The following KCND3 variants were observed in gnomAD, a reference collection of about 807,000 sequenced individuals.
KCND3 encodes the protein potassium voltage-gated channel subfamily D member 3.
In KCND3, 9 loss-of-function variants were observed where a neutral mutation model predicts 51.1. The ratio of observed to expected loss-of-function variants is 0.18; its 90% CI spans 0.11 to 0.31. The LOEUF is 0.31. KCND3 is among the 10% of genes least tolerant of loss of function. The pLI is 1.00. For synonymous variants in KCND3, 349 were observed against 368.0 expected, an observed-to-expected ratio of 0.95 and a Z score of 0.59; for missense variants, 526 against 903.8, an observed-to-expected ratio of 0.58 and a Z score of 5.36.
rs1245940407 is a variant in KCND3 at position 111,981,995 on chromosome 1, C to T, written c.732G>A (p.Arg244=). ...VMIFTVEYLL[R]LFAAPSRYRF... is the part of the protein sequence containing the mutation. ...GGTAGCGGCTGGGAGCCGCGAAGAGCCGCAGGAGGTACTCCACGGTGAAGA... is the reference window on the plus strand; with the variant it reads ...GGTAGCGGCTGGGAGCCGCGAAGAGTCGCAGGAGGTACTCCACGGTGAAGA... The change falls in exon 2 of 8, where the codon CGG becomes CGA. Residue 244 remains arginine, a synonymous_variant. Transcript: ENST00000302127. The surrounding 1 kb of genome is among the most constrained non-coding windows in gnomAD (Gnocchi z 6.2). 1 of 1,613,920 alleles carries T rather than the reference C, an allele frequency of 6.2e-7. No homozygotes were observed. Among genetic ancestry groups the T allele is most frequent in the Admixed American group, 1.7e-5 (1 of 60,012 alleles).
chr1:111,801,829 C>T (rs551136701), intron 2 of KCND3, among the ~76,000 whole-genome samples: 1 of 152,332 alleles, frequency 6.6e-6, no homozygotes, highest in East Asian at 1.9e-4. Flanking sequence ...AGTTATCCCT[C>T]TTCCATTAAG....
chr1:111,885,872 CAT>C (rs762349726), intron 2 of KCND3, among the ~76,000 whole-genome samples: 1 of 152,014 alleles, frequency 6.6e-6, no homozygotes. Context: ...GGGGTTTCAC[CAT>C]GTTGGCCAGG....
intron 2 of KCND3, among the ~76,000 whole-genome samples, chr1:111,932,894 C>A (rs1672047999): frequency 6.6e-6 from 1 of 152,132 alleles, no homozygotes; most frequent in Non-Finnish European, 1.5e-5. Context: ...GGGTTCCAGT[C>A]CAGACCCAGC....
At chr1:111,830,882 T>C (rs1160211732) in intron 2 of KCND3, among the ~76,000 whole-genome samples, 1 of 152,256 alleles carries the variant, frequency 6.6e-6, no homozygotes, top group Non-Finnish European at 1.5e-5. Flanking sequence ...TAACCCTACA[T>C]ATTCCACAGA....
intron 2 of KCND3, among the ~76,000 whole-genome samples, chr1:111,948,467 G>T (rs745340997): frequency 1.3e-5 from 2 of 152,192 alleles, no homozygotes; most frequent in Non-Finnish European, 2.9e-5. Flanking sequence ...CTTAAGGATA[G>T]AATTTATCTC....
At chr1:111,808,422 T>C (rs1665680684) in intron 2 of KCND3, among the ~76,000 whole-genome samples, 1 of 152,208 alleles carries the variant, frequency 6.6e-6, no homozygotes, top group Non-Finnish European at 1.5e-5. Flanking sequence ...GGTCAAAGGT[T>C]TCCTGGTCCA....
intron 2 of KCND3, among the ~76,000 whole-genome samples, chr1:111,858,588 T>C (rs1668196216): frequency 6.6e-6 from 1 of 152,212 alleles, no homozygotes; most frequent in Admixed American, 6.5e-5. Flanking sequence ...AGTTAAAACA[T>C]TGTCATGGGC....
chr1:111,817,126 T>C (rs72981946), intron 2 of KCND3, among the ~76,000 whole-genome samples: 13,734 of 152,170 alleles, frequency 0.09, 841 homozygotes, highest in East Asian at 0.29. Flanking sequence ...CTCGATGTTT[T>C]TTCCCTTAAC....
intron 2 of KCND3, among the ~76,000 whole-genome samples, chr1:111,857,331 A>T (rs1668122059): frequency 6.6e-6 from 1 of 152,126 alleles, no homozygotes; most frequent in Admixed American, 6.6e-5. Flanking sequence ...TGTCTGCACC[A>T]TTCTGCTTCT....
At chr1:111,919,174 G>T (rs1407326295) in intron 2 of KCND3, among the ~76,000 whole-genome samples, 2 of 150,668 alleles carry the variant, frequency 1.3e-5, no homozygotes, top group Non-Finnish European at 2.9e-5. Flanking sequence ...AAACAAGGGA[G>T]AATCCTTGCC....
intron 2 of KCND3, among the ~76,000 whole-genome samples, chr1:111,926,897 G>T (rs1328754756): frequency 1.3e-5 from 2 of 152,212 alleles, no homozygotes; most frequent in African/African-American, 2.4e-5. Flanking sequence ...AAGATGCCTG[G>T]TCTCTTCCCC....
chr1:111,849,934 C>A (rs539326479), intron 2 of KCND3, among the ~76,000 whole-genome samples: 1 of 152,062 alleles, frequency 6.6e-6, no homozygotes. Flanking sequence ...GAGACCCAGC[C>A]TCCTCCCCGT....
chr1:111,958,787 C>A (rs1488389753), intron 2 of KCND3, among the ~76,000 whole-genome samples: 1 of 152,192 alleles, frequency 6.6e-6, no homozygotes, highest in Non-Finnish European at 1.5e-5. Context: ...CCAGCATCCA[C>A]CTGCAGGGTT....
At chr1:111,831,665 C>T (rs1189723081) in intron 2 of KCND3, among the ~76,000 whole-genome samples, 1 of 152,140 alleles carries the variant, frequency 6.6e-6, no homozygotes, top group Non-Finnish European at 1.5e-5. Flanking sequence ...TCCAGGAAGT[C>T]TTCACTAACT....
chr1:111,948,831 G>A (rs1893738), intron 2 of KCND3, among the ~76,000 whole-genome samples: 54,542 of 151,762 alleles, frequency 0.36, 10,597 homozygotes, highest in African/African-American at 0.44. Flanking sequence ...AGGGATAGGC[G>A]AGAAGGGAAG....
At chr1:111,942,113 A>G (rs188163309) in intron 2 of KCND3, among the ~76,000 whole-genome samples, 13 of 152,326 alleles carry the variant, frequency 8.5e-5, no homozygotes, top group Admixed American at 6.5e-5. Flanking sequence ...ACATAATTCA[A>G]TAATGGAAAT....
intron 2 of KCND3, among the ~76,000 whole-genome samples, chr1:111,890,674 A>C (rs989143833): frequency 6.6e-6 from 1 of 152,158 alleles, no homozygotes; most frequent in Non-Finnish European, 1.5e-5. Context: ...AATGGAGAAA[A>C]GGACCAAGAA....
At chr1:111,819,842 C>G (rs1666269510) in intron 2 of KCND3, among the ~76,000 whole-genome samples, 1 of 152,160 alleles carries the variant, frequency 6.6e-6, no homozygotes, top group South Asian at 2.1e-4. Flanking sequence ...TCCAAGGTGA[C>G]CGGCCAAGCC....
At chr1:111,926,458 G>A (rs911284057) in intron 2 of KCND3, among the ~76,000 whole-genome samples, 7 of 152,238 alleles carry the variant, frequency 4.6e-5, no homozygotes, top group African/African-American at 1.4e-4. Flanking sequence ...GCAGGCCTGG[G>A]GTTCAAATCC....
Sources: gnomAD v4.1 joint callset for allele counts (sites outside exome capture counted in the v4.1 genomes callset) on GRCh38, gnomAD v4.1.1 for gene constraint, Gnocchi (gnomAD v3.1) non-coding constraint, MANE v1.5 for transcripts, NCBI Gene and HGNC (gene_info 2026-07-23, HGNC 2026-07-21) for gene names.